The following ANKS6 variants were observed in gnomAD, a reference collection of about 807,000 sequenced individuals.
The protein encoded by ANKS6 is ankyrin repeat and SAM domain-containing protein 6.
A neutral mutation model predicts 77.9 loss-of-function variants in ANKS6; 47 were observed. The observed-to-expected ratio is 0.60, with a 90% CI of 0.48 to 0.77. ANKS6 has a LOEUF of 0.77. Among genes scored for constraint, ANKS6 ranks in the 30% least tolerant of loss-of-function variants. ANKS6 has a pLI of 0.00. For synonymous variants in ANKS6, 488 were observed against 501.7 expected, an observed-to-expected ratio of 0.97 and a Z score of 0.37; for missense variants, 1,150 against 1,159.1, an observed-to-expected ratio of 0.99 and a Z score of 0.11.
At position 98,768,358 on chromosome 9, in the gene ANKS6, C is replaced by A; in HGVS notation, c.1973-108G>T. On this transcript the variant is annotated intron_variant, in intron 10 of 14. Transcript: ENST00000353234. ...TGGGTTGGAGCCAGTCTCCCAGACT[C>A]CCTTCCCCATGTGGCTCCAGGACAG... The A allele has an allele frequency of 2.2e-6, 3 of 1,371,330 alleles. No homozygotes were observed. The East Asian group carries it at 6.9e-5, about 32-fold the overall frequency. The allele number at this position is 1,371,330 out of a possible 1,614,324, so 84.9% of individuals were successfully genotyped here. A position where few individuals can be genotyped will look rare whatever the true frequency, so the allele number is the denominator to read the frequency against.
At position 98,773,878 on chromosome 9, in the gene ANKS6, G is replaced by A. The variant is rs370090668; in HGVS notation, c.1820C>T (p.Thr607Ile). ...GHPVGGGGTD[T>I]TPVRPVKFPS... ...AAAGTGTGTCAGAAGACAACTTACA[G>A]TGTCTGTGCCCCCGCCGCCCACGGG... is the stretch of plus-strand genomic sequence containing the variant. Residue 607 changes from threonine to isoleucine, a missense_variant and splice_region_variant, in exon 9 of 15, where the codon ACT becomes ATT. Coordinates refer to ENST00000353234, the MANE Select transcript of ANKS6 (RefSeq NM_173551.5). The A allele has an allele frequency of 4.5e-5, 70 of 1,544,522 alleles. No homozygotes were observed. The African/African-American group carries it at 9.3e-4, about 21-fold the overall frequency.
intron 14 of ANKS6, among the ~76,000 whole-genome samples, chr9:98,743,389 G>A (rs1314036738): frequency 6.6e-6 from 1 of 151,208 alleles, no homozygotes; most frequent in African/African-American, 2.4e-5. Context: ...CACATGTCAT[G>A]TCTCTTGCTC....
At chr9:98,738,748 T>A (rs1831643493) in intron 14 of ANKS6, among the ~76,000 whole-genome samples, 1 of 152,154 alleles carries the variant, frequency 6.6e-6, no homozygotes. Context: ...CCACTGGGTA[T>A]CTACCCAGAG....
Position 98,734,615 on chromosome 9 carries a change from C to G in ANKS6, c.*1904G>C. The G allele has an allele frequency of 2.0e-6, 2 of 976,430 alleles. No homozygotes were observed. The highest frequency in any genetic ancestry group is 2.4e-6 in the Non-Finnish European group (2 of 821,796). 60.5% of individuals were successfully genotyped at this position (976,430 alleles called of 1,614,324 possible). On this transcript the variant is annotated 3_prime_UTR_variant, in exon 15 of 15. Coordinates refer to ENST00000353234, the MANE Select transcript of ANKS6 (RefSeq NM_173551.5). ...GCACAGGCTTGCAAGCCCACCAGGT[C>G]CGGTTCTGACCCCAGATCTGCTCCT...
intron 13 of ANKS6, 139 bp from the exon 14 acceptor site, chr9:98,745,814 C>A: frequency 3.0e-6 from 2 of 656,942 alleles, no homozygotes; most frequent in Non-Finnish European, 2.7e-6. Flanking sequence ...TAAGTCCTGA[C>A]TTTATGTTTA....
chr9:98,783,174 C>A (rs2118123121), intron 4 of ANKS6, among the ~76,000 whole-genome samples: 1 of 152,024 alleles, frequency 6.6e-6, no homozygotes, highest in South Asian at 2.1e-4. Context: ...ACAGCTCTGC[C>A]CAAAAATCAC....
At chr9:98,746,532 G>A (rs1354270539) in intron 13 of ANKS6, among the ~76,000 whole-genome samples, 1 of 151,986 alleles carries the variant, frequency 6.6e-6, no homozygotes, top group African/African-American at 2.4e-5. Context: ...ACATTGGCGG[G>A]GTAGATCACT....
intron 8 of ANKS6, 68 bp from the exon 9 acceptor site, chr9:98,774,148 AT>A: frequency 7.7e-7 from 1 of 1,305,064 alleles, no homozygotes. Flanking sequence ...GAAAGACTCC[AT>A]GTTTTTCCTG....
At chr9:98,774,213 T>A in intron 8 of ANKS6, 133 bp from the exon 9 acceptor site, 1 of 738,426 alleles carries the variant, frequency 1.4e-6, no homozygotes, top group Non-Finnish European at 2.0e-6. Context: ...GGGAGCTATG[T>A]GGCATCTACA....
At position 98,795,894 on chromosome 9, in the gene ANKS6, C is replaced by T. The variant is rs367616921; in HGVS notation, c.359+239G>A. 1.4e-4 allele frequency: 51 copies of T among 372,070 alleles called. 1 individual carries two copies. The highest frequency in any genetic ancestry group is 1.1e-3 in the East Asian group (28 of 25,122). 23.0% of individuals were successfully genotyped at this position (372,070 alleles called of 1,614,324 possible). ...GGTTCTAAGTCTCTACAATTCTATTCGCTGTCTCCAGATTCTATTCTGAAA... is the reference window on the plus strand; with the variant it reads ...GGTTCTAAGTCTCTACAATTCTATTTGCTGTCTCCAGATTCTATTCTGAAA... On this transcript the variant is annotated intron_variant, in intron 1 of 14. Transcript: ENST00000353234.
At chr9:98,775,129 G>A (rs761832011) in intron 8 of ANKS6, among the ~76,000 whole-genome samples, 11 of 152,244 alleles carry the variant, frequency 7.2e-5, no homozygotes, top group South Asian at 2.1e-4. Flanking sequence ...TCCAGCAAAC[G>A]GGGTTGAGTT....
chr9:98,790,478 A>T lies in ANKS6; in HGVS notation c.488T>A (p.Leu163His). ...GTCCACAAAGGCACCGGCTTCCAGG[A>T]GCAGCTTCACCACACCCAGGTGGCC... ...RGGHLGVVKL[L>H]LEAGAFVDHH... Residue 163 changes from leucine to histidine, a missense_variant, in exon 2 of 15, where the codon CTC becomes CAC. Transcript: ENST00000353234. 6.2e-7 allele frequency: 1 copy of T among 1,613,610 alleles called. No individual in the cohort carries two copies. Among genetic ancestry groups the T allele is most frequent in the Non-Finnish European group, 8.5e-7 (1 of 1,179,970 alleles).
chr9:98,737,904 A>G (rs1831589209), intron 14 of ANKS6, among the ~76,000 whole-genome samples: 1 of 152,230 alleles, frequency 6.6e-6, no homozygotes, highest in South Asian at 2.1e-4. Context: ...CCAACGGAAC[A>G]GAATAGAGAA....
At chr9:98,773,639 G>A in intron 9 of ANKS6, among the ~76,000 whole-genome samples, 1 of 152,112 alleles carries the variant, frequency 6.6e-6, no homozygotes, top group Non-Finnish European at 1.5e-5. Context: ...TGTGCTCCTT[G>A]GAGATCTAGG....
chr9:98,754,267 T>C (rs1359484650), intron 12 of ANKS6, among the ~76,000 whole-genome samples: 1 of 152,118 alleles, frequency 6.6e-6, no homozygotes, highest in Non-Finnish European at 1.5e-5. Flanking sequence ...AGAGGAGGAA[T>C]GCAGATGGAG....
chr9:98,732,248 C>T lies in ANKS6; in HGVS notation c.*4271G>A. On this transcript the variant is annotated 3_prime_UTR_variant, in exon 15 of 15. Coordinates refer to ENST00000353234, the MANE Select transcript of ANKS6 (RefSeq NM_173551.5). ...CTTGGAAGTACAGGTCAGCGTTATC[C>T]AAAGTTGTCCAGCCTCCGGCCTGGC... 1 of 555,196 alleles carries T rather than the reference C, an allele frequency of 1.8e-6. No homozygotes were observed. Among genetic ancestry groups the T allele is most frequent in the Non-Finnish European group, 3.2e-6 (1 of 311,312 alleles). 34.4% of individuals were successfully genotyped at this position (555,196 alleles called of 1,614,324 possible). A position where few individuals can be genotyped will look rare whatever the true frequency, so the allele number is the denominator to read the frequency against.
intron 12 of ANKS6, among the ~76,000 whole-genome samples, chr9:98,751,731 T>C (rs919126664): frequency 2.0e-5 from 3 of 152,054 alleles, no homozygotes; most frequent in East Asian, 3.9e-4. Context: ...ACACATTCAA[T>C]AGGGATTTGC....
intron 14 of ANKS6, among the ~76,000 whole-genome samples, chr9:98,740,007 G>A (rs1053068699): frequency 8.6e-5 from 13 of 151,926 alleles, no homozygotes; most frequent in African/African-American, 2.7e-4. Flanking sequence ...CGCCCGCCTC[G>A]GCCTCCCAAA....
chr9:98,795,178 T>A (rs1469073549), intron 1 of ANKS6, among the ~76,000 whole-genome samples: 1 of 152,122 alleles, frequency 6.6e-6, no homozygotes, highest in Non-Finnish European at 1.5e-5. Flanking sequence ...TTCATCTGGG[T>A]GCCCTCCCTC....
Sources: allele counts gnomAD v4.1 joint callset (sites outside exome capture counted in the v4.1 genomes callset), GRCh38; gene constraint gnomAD v4.1.1; transcripts MANE v1.5; gene names NCBI Gene and HGNC (gene_info 2026-07-23, HGNC 2026-07-21).